CCSER1: variants seen among roughly 807,000 people sequenced by gnomAD.
CCSER1 encodes coiled-coil serine rich protein 1.
A neutral mutation model predicts 82.0 loss-of-function variants in CCSER1; 41 were observed. The observed-to-expected ratio is 0.50, with a 90% CI of 0.39 to 0.65. CCSER1 has a LOEUF of 0.65. CCSER1 is among the 30% of genes least tolerant of loss of function. The probability of loss-of-function intolerance (pLI) is 0.00; values close to 1 mark genes in which losing one functional copy is unlikely to be tolerated. For synonymous variants in CCSER1, 414 were observed against 383.9 expected, an observed-to-expected ratio of 1.08 and a Z score of -0.92; for missense variants, 1,119 against 1,064.2, an observed-to-expected ratio of 1.05 and a Z score of -0.72.
chr4:90,208,665 G>C (rs1003975160), intron 1 of CCSER1, among the ~76,000 whole-genome samples: 24 of 152,124 alleles, frequency 1.6e-4, no homozygotes, highest in Admixed American at 1.3e-3. Context: ...TGGTCTGTGG[G>C]TTGCAAAGAC....
At chr4:90,819,147 C>A (rs1326522486) in intron 8 of CCSER1, among the ~76,000 whole-genome samples, 1 of 152,056 alleles carries the variant, frequency 6.6e-6, no homozygotes, top group African/African-American at 2.4e-5. Flanking sequence ...TTCCTTGGTG[C>A]ATGCACATAG....
At chr4:90,610,315 G>C (rs1579454462) in intron 5 of CCSER1, among the ~76,000 whole-genome samples, 1 of 151,842 alleles carries the variant, frequency 6.6e-6, no homozygotes, top group East Asian at 1.9e-4. Context: ...TGTGATTTCA[G>C]TAAGCTGTAA....
chr4:91,506,881 A>G (rs1324637216), intron 10 of CCSER1, among the ~76,000 whole-genome samples: 1 of 152,146 alleles, frequency 6.6e-6, no homozygotes, highest in Non-Finnish European at 1.5e-5. Flanking sequence ...GTTCATGTAT[A>G]TGAAAACATA....
intron 1 of CCSER1, among the ~76,000 whole-genome samples, chr4:90,197,736 T>C (rs1321381816): frequency 6.6e-6 from 1 of 151,674 alleles, no homozygotes; most frequent in Non-Finnish European, 1.5e-5. Flanking sequence ...ATCAAAACAA[T>C]TGAATACAGG....
At chr4:90,430,915 T>G (rs534145063) in intron 4 of CCSER1, among the ~76,000 whole-genome samples, 132 of 152,052 alleles carry the variant, frequency 8.7e-4, no homozygotes, top group Admixed American at 8.5e-4. Flanking sequence ...GGGGAGTGAT[T>G]GGTGATGTTT....
intron 8 of CCSER1, among the ~76,000 whole-genome samples, chr4:90,828,361 T>C (rs1235811661): frequency 6.6e-6 from 1 of 152,168 alleles, no homozygotes; most frequent in Non-Finnish European, 1.5e-5. Flanking sequence ...CATAAGTCTA[T>C]TTATATCACT....
intron 3 of CCSER1, among the ~76,000 whole-genome samples, chr4:90,336,414 G>A (rs1177376150): frequency 6.6e-6 from 1 of 152,108 alleles, no homozygotes; most frequent in Non-Finnish European, 1.5e-5. Flanking sequence ...AAAACACTTA[G>A]GACCAATTTG....
intron 10 of CCSER1, among the ~76,000 whole-genome samples, chr4:91,433,146 A>C (rs931704170): frequency 6.6e-6 from 1 of 152,206 alleles, no homozygotes; most frequent in Non-Finnish European, 1.5e-5. Context: ...AAATTTGATT[A>C]GCAATTCTTC....
At chr4:91,527,770 A>T (rs757993256) in intron 10 of CCSER1, among the ~76,000 whole-genome samples, 5 of 152,176 alleles carry the variant, frequency 3.3e-5, no homozygotes, top group Non-Finnish European at 7.3e-5. Context: ...GCATATATAA[A>T]TATCTAAAGG....
intron 10 of CCSER1, among the ~76,000 whole-genome samples, chr4:91,224,291 G>T (rs1737982152): frequency 6.6e-6 from 1 of 152,062 alleles, no homozygotes. Context: ...AAAGTATGCA[G>T]CACTTTAACA....
chr4:91,018,934 T>G (rs1739679715), intron 9 of CCSER1, among the ~76,000 whole-genome samples: 1 of 152,062 alleles, frequency 6.6e-6, no homozygotes, highest in Non-Finnish European at 1.5e-5. Flanking sequence ...CAAATATTAT[T>G]GTGATAATGT....
At chr4:90,690,906 C>A (rs969717698) in intron 6 of CCSER1, among the ~76,000 whole-genome samples, 1 of 152,054 alleles carries the variant, frequency 6.6e-6, no homozygotes, top group South Asian at 2.1e-4. Flanking sequence ...TATTTCAAGA[C>A]ATCTGACTCA....
chr4:90,427,094 TTA>T (rs1757626129), intron 4 of CCSER1, among the ~76,000 whole-genome samples: 1 of 152,032 alleles, frequency 6.6e-6, no homozygotes, highest in African/African-American at 2.4e-5. Context: ...TTATAAACGT[TTA>T]GAGACAATTT....
At chr4:90,925,144 A>G (rs1286673532) in intron 9 of CCSER1, among the ~76,000 whole-genome samples, 1 of 152,198 alleles carries the variant, frequency 6.6e-6, no homozygotes, top group Non-Finnish European at 1.5e-5. Flanking sequence ...TTTGTTCAAT[A>G]TGAGTAATAA....
chr4:91,595,989 T>C (rs1205628417), intron 10 of CCSER1, among the ~76,000 whole-genome samples: 1 of 125,776 alleles, frequency 8.0e-6, no homozygotes, highest in Non-Finnish European at 1.7e-5. Context: ...AAAACTAACA[T>C]GTCAAAAACA....
At chr4:90,946,310 T>C (rs1410829275) in intron 9 of CCSER1, among the ~76,000 whole-genome samples, 1 of 152,160 alleles carries the variant, frequency 6.6e-6, no homozygotes, top group Non-Finnish European at 1.5e-5. Flanking sequence ...AACAGCAAAC[T>C]CAAGAAAGAT....
chr4:90,348,188 C>T (rs1418258918), intron 3 of CCSER1, among the ~76,000 whole-genome samples: 1 of 151,760 alleles, frequency 6.6e-6, no homozygotes, highest in Admixed American at 6.6e-5. Context: ...ACCTGGGTGA[C>T]GAAGTAATTT....
intron 5 of CCSER1, among the ~76,000 whole-genome samples, chr4:90,528,145 A>G (rs1382022187): frequency 6.6e-6 from 1 of 152,176 alleles, no homozygotes; most frequent in Non-Finnish European, 1.5e-5. Context: ...AGTGACCTTT[A>G]AAGGTGGCTA....
chr4:91,553,067 G>A (rs764904293), intron 10 of CCSER1, among the ~76,000 whole-genome samples: 10 of 151,444 alleles, frequency 6.6e-5, no homozygotes, highest in South Asian at 4.2e-4. Flanking sequence ...GTTGAGAGAC[G>A]TATATTCTAC....
Sources: allele counts gnomAD v4.1 joint callset (sites outside exome capture counted in the v4.1 genomes callset), GRCh38; gene constraint gnomAD v4.1.1; transcripts MANE v1.5; gene names NCBI Gene and HGNC (gene_info 2026-07-23, HGNC 2026-07-21).